ERBB4: variants seen among roughly 807,000 people sequenced by gnomAD.
The protein encoded by ERBB4 is receptor tyrosine-protein kinase erbB-4.
A neutral mutation model predicts 158.0 loss-of-function variants in ERBB4; 42 were observed. The observed-to-expected ratio is 0.27, with a 90% CI of 0.21 to 0.34. The LOEUF is 0.34. ERBB4 is among the 10% of genes least tolerant of loss of function. The pLI is 1.00. For synonymous variants in ERBB4, 583 were observed against 558.7 expected (o/e 1.04, Z -0.61); for missense variants, 1,333 against 1,624.1 (o/e 0.82, Z 3.08).
intron 20 of ERBB4, among the ~76,000 whole-genome samples, chr2:211,531,785 T>A (rs1055583505): frequency 1.4e-4 from 22 of 152,042 alleles, no homozygotes; most frequent in African/African-American, 5.3e-4. Context: ...GGGTGCCATA[T>A]GATCTAGTCA....
chr2:212,013,265 C>T (rs563658309), intron 2 of ERBB4, among the ~76,000 whole-genome samples: 27 of 151,920 alleles, frequency 1.8e-4, no homozygotes, highest in Middle Eastern at 3.4e-3. Context: ...CCATGTTGGC[C>T]GGGTGTAATT....
At chr2:212,428,849 G>T (rs1280311771) in intron 1 of ERBB4, among the ~76,000 whole-genome samples, 7 of 152,036 alleles carry the variant, frequency 4.6e-5, no homozygotes, top group Non-Finnish European at 7.4e-5. Context: ...ACATCTGTAG[G>T]CATAACAGAT....
At chr2:212,472,877 C>T (rs535407071) in intron 1 of ERBB4, among the ~76,000 whole-genome samples, 12 of 151,854 alleles carry the variant, frequency 7.9e-5, no homozygotes, top group East Asian at 1.9e-4. Context: ...ATAATGTTAA[C>T]GTATATTAAC....
intron 2 of ERBB4, among the ~76,000 whole-genome samples, chr2:211,954,644 C>T (rs187856257): frequency 5.8e-4 from 88 of 152,040 alleles, no homozygotes; most frequent in African/African-American, 2.1e-3. Context: ...GAACAGAGAA[C>T]TATGGTGGTA....
chr2:212,230,911 T>C (rs944025991), intron 1 of ERBB4, among the ~76,000 whole-genome samples: 4 of 152,208 alleles, frequency 2.6e-5, no homozygotes, highest in Non-Finnish European at 5.9e-5. Context: ...AATTAGATTA[T>C]ACATAAGTTG....
chr2:212,417,364 A>C (rs1324149338), intron 1 of ERBB4, among the ~76,000 whole-genome samples: 2 of 152,068 alleles, frequency 1.3e-5, no homozygotes, highest in Non-Finnish European at 2.9e-5. Context: ...AAAGAGAAAA[A>C]GTAACTACAC....
chr2:212,292,546 A>C (rs1331537177), intron 1 of ERBB4, among the ~76,000 whole-genome samples: 2 of 152,064 alleles, frequency 1.3e-5, no homozygotes, highest in Non-Finnish European at 2.9e-5. Context: ...TATTAAAATT[A>C]GTTTAGATCT....
In ERBB4 at chr2:211,812,379, G is replaced by T. The variant is rs536495406; in HGVS notation, c.422-24220C>A. On this transcript the variant is annotated intron_variant, in intron 3 of 27. Coordinates refer to ENST00000342788, the MANE Select transcript of ERBB4 (RefSeq NM_005235.3). The stretch of plus-strand genomic sequence containing the variant: ...GCGGAACAGCAAATATTGCAGAACA[G>T]CAAATATTGCTGCCTGATTCTTCCT... Among the ~76,000 whole-genome samples, 71 of 152,302 alleles carry T rather than the reference G, an allele frequency of 4.7e-4. 1 individual carries two copies. The highest frequency in any genetic ancestry group is 4.4e-3 in the Admixed American group (67 of 15,298).
At chr2:211,805,068 T>A (rs940538662) in intron 3 of ERBB4, among the ~76,000 whole-genome samples, 2 of 152,078 alleles carry the variant, frequency 1.3e-5, no homozygotes, top group Non-Finnish European at 2.9e-5. Context: ...TATAGGCACC[T>A]GCCACCACAC....
chr2:212,228,816 T>C (rs753481789), intron 1 of ERBB4, among the ~76,000 whole-genome samples: 3 of 152,214 alleles, frequency 2.0e-5, no homozygotes, highest in Non-Finnish European at 4.4e-5. Context: ...AACTGCCACA[T>C]GCACCAAAGC....
At chr2:211,397,490 G>C (rs16846048) in intron 25 of ERBB4, among the ~76,000 whole-genome samples, 37,512 of 152,100 alleles carry the variant, frequency 0.25, 5,261 homozygotes, top group South Asian at 0.47. Flanking sequence ...TGGTACCACA[G>C]ATGACCCATA....
intron 20 of ERBB4, among the ~76,000 whole-genome samples, chr2:211,560,401 A>T (rs755440174): frequency 2.7e-5 from 4 of 147,636 alleles, no homozygotes; most frequent in Non-Finnish European, 5.9e-5. Flanking sequence ...CAGCCTCCTT[A>T]GTAGCTGGGA....
Position 212,489,519 on chromosome 2 carries a change from G to T in ERBB4, c.82+48930C>A, listed in dbSNP as rs532578817. Among the ~76,000 whole-genome samples, 3 of 152,022 alleles carry T rather than the reference G, an allele frequency of 2.0e-5. No homozygotes were observed. In the South Asian group the frequency reaches 6.2e-4, roughly 32 times the overall value. On this transcript the variant is annotated intron_variant, in intron 1 of 27. Coordinates refer to ENST00000342788, the MANE Select transcript of ERBB4 (RefSeq NM_005235.3). ...TCAAGTCCATTAAATCAGAAATGAA[G>T]TATTAAGTAGAGGATGTTTGTATTT... is the stretch of plus-strand genomic sequence containing the variant.
chr2:211,486,462 G>A (rs957726498), intron 20 of ERBB4, among the ~76,000 whole-genome samples: 18 of 151,624 alleles, frequency 1.2e-4, no homozygotes, highest in South Asian at 2.1e-4. Context: ...AACCTATGTC[G>A]AGTTAACCTC....
Position 212,298,319 on chromosome 2 carries a change from G to A in ERBB4, c.83-173416C>T, listed in dbSNP as rs115024554. Among the ~76,000 whole-genome samples the A allele has an allele frequency of 8.6e-3, 1,300 of 151,636 alleles. 15 individuals are homozygous for A. The highest frequency in any genetic ancestry group is 0.028 in the African/African-American group (1,164 of 41,434). ...CATGAATAAATACAATCACAGATTT[G>A]TTTATCTTTCTGTATCATCTAATTC... On this transcript the variant is annotated intron_variant, in intron 1 of 27. Coordinates refer to ENST00000342788, the MANE Select transcript of ERBB4 (RefSeq NM_005235.3).
intron 17 of ERBB4, among the ~76,000 whole-genome samples, chr2:211,630,129 T>A (rs924011429): frequency 6.6e-6 from 1 of 152,080 alleles, no homozygotes; most frequent in Non-Finnish European, 1.5e-5. Flanking sequence ...AATGAGATAT[T>A]TTCAATGCAG....
intron 2 of ERBB4, among the ~76,000 whole-genome samples, chr2:212,097,962 G>T (rs1408527519): frequency 6.6e-6 from 1 of 152,152 alleles, no homozygotes; most frequent in Non-Finnish European, 1.5e-5. Context: ...AGTAGCCAAA[G>T]ATATATATGG....
intron 2 of ERBB4, among the ~76,000 whole-genome samples, chr2:212,099,745 T>TTTC (rs1229781732): frequency 6.6e-6 from 1 of 151,812 alleles, no homozygotes; most frequent in Non-Finnish European, 1.5e-5. Flanking sequence ...AGTTTTTTTT[T>TTTC]TTTTCTTTTC....
At chr2:211,512,517 T>C (rs1287150379) in intron 20 of ERBB4, among the ~76,000 whole-genome samples, 1 of 151,960 alleles carries the variant, frequency 6.6e-6, no homozygotes, top group Non-Finnish European at 1.5e-5. Flanking sequence ...TAGAAATCAC[T>C]ATTGCCTCTG....
Sources: gnomAD v4.1 joint callset for allele counts (sites outside exome capture counted in the v4.1 genomes callset) on GRCh38, gnomAD v4.1.1 for gene constraint, MANE v1.5 for transcripts, NCBI Gene and HGNC (gene_info 2026-07-23, HGNC 2026-07-21) for gene names.